Variants in SLX4IP observed in about 807,000 individuals in gnomAD.
SLX4IP encodes the protein protein SLX4IP.
Under a neutral mutation model 32.9 loss-of-function variants are expected in SLX4IP, and 34 were observed. The ratio of observed to expected loss-of-function variants is 1.03; its 90% confidence interval spans 0.79 to 1.38. The LOEUF is 1.38. SLX4IP is among the 40% of genes most tolerant of loss of function. The pLI is 0.00. For missense variants in SLX4IP, 444 were observed against 479.0 expected (o/e 0.93, Z 0.68); for synonymous variants, 172 against 171.7 (o/e 1.00, Z -0.01).
chr20:10,571,836 A>G (rs928271917), intron 4 of SLX4IP, among the ~76,000 whole-genome samples: 1 of 152,190 alleles, frequency 6.6e-6, no homozygotes, highest in African/African-American at 2.4e-5. Flanking sequence ...CACAAAACAC[A>G]GAGATGAAAG....
chr20:10,504,022 G>A (rs1394271718), intron 2 of SLX4IP, among the ~76,000 whole-genome samples: 3 of 152,088 alleles, frequency 2.0e-5, no homozygotes, highest in African/African-American at 7.2e-5. Context: ...ATATCTTTTG[G>A]ATCTTATGAT....
At chr20:10,456,494 AC>A (rs2065286794) in intron 1 of SLX4IP, among the ~76,000 whole-genome samples, 1 of 152,116 alleles carries the variant, frequency 6.6e-6, no homozygotes, top group South Asian at 2.1e-4. Context: ...GGTGCATGCC[AC>A]CATGCCCAGC....
chr20:10,477,901 T>C (rs1343636088), intron 2 of SLX4IP, among the ~76,000 whole-genome samples: 1 of 25,390 alleles, frequency 3.9e-5, no homozygotes. Context: ...AATCTCCCTT[T>C]TTTTTTTTTT....
chr20:10,472,845 TTAAAGA>T (rs1323309005), intron 2 of SLX4IP, among the ~76,000 whole-genome samples: 2 of 152,208 alleles, frequency 1.3e-5, no homozygotes, highest in African/African-American at 4.8e-5. Context: ...CCAACAATAG[TTAAAGA>T]TATTCATTGA....
At chr20:10,602,793 C>T (rs1418674764) in intron 6 of SLX4IP, among the ~76,000 whole-genome samples, 1 of 152,156 alleles carries the variant, frequency 6.6e-6, no homozygotes, top group Non-Finnish European at 1.5e-5. Context: ...AGCTTCTTAT[C>T]TCATCTTAAA....
intron 3 of SLX4IP, among the ~76,000 whole-genome samples, chr20:10,557,777 G>A (rs4813033): frequency 0.57 from 86,538 of 152,090 alleles, 25,285 homozygotes; most frequent in South Asian, 0.72. Flanking sequence ...GAATGCTTTA[G>A]AATAAAGCCC....
At chr20:10,476,945 T>C (rs1427451437) in intron 2 of SLX4IP, among the ~76,000 whole-genome samples, 2 of 152,244 alleles carry the variant, frequency 1.3e-5, no homozygotes, top group Non-Finnish European at 2.9e-5. Flanking sequence ...TTAATGCTTT[T>C]GCAGTTAAGC....
At chr20:10,557,775 T>C (rs903540664) in intron 3 of SLX4IP, among the ~76,000 whole-genome samples, 11 of 152,246 alleles carry the variant, frequency 7.2e-5, no homozygotes, top group Non-Finnish European at 1.5e-4. Flanking sequence ...TGGAATGCTT[T>C]AGAATAAAGC....
intron 2 of SLX4IP, among the ~76,000 whole-genome samples, chr20:10,468,055 T>G (rs2065395447): frequency 1.3e-5 from 2 of 152,180 alleles, no homozygotes; most frequent in Non-Finnish European, 2.9e-5. Context: ...AAGAAGTTTC[T>G]GCCTACATTG....
intron 1 of SLX4IP, among the ~76,000 whole-genome samples, chr20:10,456,085 C>T (rs1422180515): frequency 6.6e-6 from 1 of 152,154 alleles, no homozygotes; most frequent in Non-Finnish European, 1.5e-5. Flanking sequence ...AACTTTGTTT[C>T]ATGCACAAAA....
chr20:10,612,266 C>A (rs897227002), intron 6 of SLX4IP, among the ~76,000 whole-genome samples: 1 of 152,142 alleles, frequency 6.6e-6, no homozygotes, highest in Non-Finnish European at 1.5e-5. Context: ...CCCAAACAGT[C>A]CTGTAAGGTA....
intron 4 of SLX4IP, among the ~76,000 whole-genome samples, chr20:10,573,969 A>C (rs1410370353): frequency 6.6e-6 from 1 of 152,248 alleles, no homozygotes; most frequent in Non-Finnish European, 1.5e-5. Flanking sequence ...TTATTTTTTC[A>C]GGAATGGGTA....
At chr20:10,621,681 C>T (rs568006699) in intron 7 of SLX4IP, among the ~76,000 whole-genome samples, 1 of 151,768 alleles carries the variant, frequency 6.6e-6, no homozygotes, top group East Asian at 1.9e-4. Flanking sequence ...ATACCACTTT[C>T]GGAGGGACTA....
At chr20:10,518,386 T>TC (rs1568719868) in intron 2 of SLX4IP, among the ~76,000 whole-genome samples, 1 of 143,028 alleles carries the variant, frequency 7.0e-6, no homozygotes, top group Non-Finnish European at 1.5e-5. Flanking sequence ...TTTCTTTCCT[T>TC]CTTCCTTTCT....
chr20:10,480,264 A>T (rs1220310996), intron 2 of SLX4IP, among the ~76,000 whole-genome samples: 1 of 152,028 alleles, frequency 6.6e-6, no homozygotes, highest in Non-Finnish European at 1.5e-5. Context: ...GCATGGTGGC[A>T]TGCACCTGTG....
intron 4 of SLX4IP, among the ~76,000 whole-genome samples, chr20:10,584,146 A>T (rs1386783662): frequency 6.6e-6 from 1 of 152,196 alleles, no homozygotes. Context: ...CCCTATAAAA[A>T]CGCAAATCAG....
chr20:10,442,151 T>C (rs1176675945), intron 1 of SLX4IP, among the ~76,000 whole-genome samples: 2 of 152,226 alleles, frequency 1.3e-5, no homozygotes, highest in Non-Finnish European at 2.9e-5. Context: ...CTGGTCTATT[T>C]AATGAGAGCA....
chr20:10,599,196 T>C (rs2066811612), intron 5 of SLX4IP, among the ~76,000 whole-genome samples: 1 of 152,166 alleles, frequency 6.6e-6, no homozygotes, highest in African/African-American at 2.4e-5. Flanking sequence ...AGGATATGAT[T>C]TCAAACTTGT....
intron 4 of SLX4IP, among the ~76,000 whole-genome samples, chr20:10,562,665 C>G (rs1048150531): frequency 4.6e-5 from 7 of 152,152 alleles, no homozygotes; most frequent in African/African-American, 1.7e-4. Context: ...CACCAGGGAC[C>G]CTGCCCTTCT....
Sources: gnomAD v4.1 joint callset for allele counts (sites outside exome capture counted in the v4.1 genomes callset) on GRCh38, gnomAD v4.1.1 for gene constraint, MANE v1.5 for transcripts, NCBI Gene and HGNC (gene_info 2026-07-23, HGNC 2026-07-21) for gene names.